SGCD: variants seen among roughly 807,000 people sequenced by gnomAD.
SGCD encodes the protein sarcoglycan delta, also known as delta-sarcoglycan.
A neutral mutation model predicts 36.6 loss-of-function variants in SGCD; 18 were observed. The ratio of observed to expected loss-of-function variants is 0.49; its 90% CI spans 0.34 to 0.73. The LOEUF (loss-of-function observed/expected upper bound fraction) is 0.73. Ranked by LOEUF, SGCD falls within the 30% of genes least tolerant of loss-of-function variation. The probability of loss-of-function intolerance (pLI) is 0.01; values close to 1 mark genes in which losing one functional copy is unlikely to be tolerated. For synonymous variants in SGCD, 133 were observed against 130.6 expected (o/e 1.02, Z -0.12); for missense variants, 387 against 346.7 (o/e 1.12, Z -0.92).
intron 1 of SGCD, among the ~76,000 whole-genome samples, chr5:156,076,748 A>T (rs990467691): frequency 2.6e-5 from 4 of 152,220 alleles, no homozygotes; most frequent in African/African-American, 9.6e-5. Flanking sequence ...CCTAGACTTG[A>T]ACATTACATC....
At chr5:156,329,247 G>C (rs561503617) in intron 1 of SGCD, among the ~76,000 whole-genome samples, 1 of 152,298 alleles carries the variant, frequency 6.6e-6, no homozygotes, top group Non-Finnish European at 1.5e-5. Flanking sequence ...TGAGGGTGGA[G>C]GGAGGAGCCC....
chr5:155,805,412 G>A, the SGCD span, among the ~76,000 whole-genome samples: 1 of 152,240 alleles, frequency 6.6e-6, no homozygotes, highest in Admixed American at 6.5e-5. Flanking sequence ...CCTAGGCAGA[G>A]AGGCAGCATT....
At chr5:156,065,461 G>C (rs1312568772) in intron 1 of SGCD, among the ~76,000 whole-genome samples, 2 of 113,758 alleles carry the variant, frequency 1.8e-5, no homozygotes, top group Non-Finnish European at 3.6e-5. Context: ...TCTGCTTGGT[G>C]CAGAGCTGAG....
the SGCD span, among the ~76,000 whole-genome samples, chr5:155,746,506 T>C: frequency 6.6e-6 from 1 of 152,202 alleles, no homozygotes; most frequent in African/African-American, 2.4e-5. Flanking sequence ...CAGAGCAGGC[T>C]GCTCAAAAGA....
chr5:156,639,461 C>T (rs40486), intron 6 of SGCD, among the ~76,000 whole-genome samples: 16,642 of 152,210 alleles, frequency 0.11, 1,009 homozygotes, highest in Non-Finnish European at 0.12. Flanking sequence ...GCAGCCTGTG[C>T]CACGCAGCAG....
At chr5:156,006,801 T>C (rs1758767416) in intron 1 of SGCD, among the ~76,000 whole-genome samples, 1 of 152,204 alleles carries the variant, frequency 6.6e-6, no homozygotes, top group South Asian at 2.1e-4. Flanking sequence ...GGTTCTCAAA[T>C]GTGAGCAGTC....
the SGCD span, among the ~76,000 whole-genome samples, chr5:155,729,567 G>C: frequency 2.0e-5 from 3 of 152,182 alleles, no homozygotes; most frequent in Admixed American, 6.5e-5. Flanking sequence ...TCCGCGGTGC[G>C]GTGCGGGTTT....
chr5:156,644,024 C>A (rs924987622), intron 6 of SGCD, among the ~76,000 whole-genome samples: 1 of 152,036 alleles, frequency 6.6e-6, no homozygotes, highest in African/African-American at 2.4e-5. Flanking sequence ...TAATCATGTT[C>A]ATCAGGAAAA....
At chr5:156,338,599 T>C (rs149340106) in intron 2 of SGCD, among the ~76,000 whole-genome samples, 9 of 152,298 alleles carry the variant, frequency 5.9e-5, no homozygotes, top group African/African-American at 2.2e-4. Flanking sequence ...GGCAGACTTA[T>C]CACTTTGAAG....
At chr5:155,807,598 A>G in the SGCD span, among the ~76,000 whole-genome samples, 22 of 152,360 alleles carry the variant, frequency 1.4e-4, no homozygotes, top group Admixed American at 1.2e-3. Context: ...AATCCCATAA[A>G]ACACTCCTTC....
chr5:155,991,352 T>C (rs10475651), intron 1 of SGCD, among the ~76,000 whole-genome samples: 26 of 152,274 alleles, frequency 1.7e-4, no homozygotes, highest in African/African-American at 4.8e-4. Context: ...CATCTTTGTG[T>C]AATTGATGGG....
rs182066432 is a variant in SGCD, at chr5:155,887,098, G to A, written c.-282+16674G>A. On this transcript the variant is annotated intron_variant, in intron 1 of 9. Coordinates refer to the SGCD transcript ENST00000517913. ...TAGGACTCTGACCGTGTATCTCATG[G>A]TTTACATTGGGGGCGAAAATATCAG... 1.9e-3 allele frequency among the ~76,000 whole-genome samples: 295 copies of A among 152,292 alleles called. 3 individuals are homozygous for A. The highest frequency in any genetic ancestry group is 6.3e-3 in the African/African-American group (263 of 41,554).
intron 5 of SGCD, among the ~76,000 whole-genome samples, chr5:156,590,010 C>T (rs768814753): frequency 7.9e-5 from 12 of 152,098 alleles, no homozygotes; most frequent in Non-Finnish European, 1.6e-4. Flanking sequence ...ACAATCAATG[C>T]CCACTCTGTA....
At chr5:156,578,912 T>C (rs1246709791) in intron 4 of SGCD, among the ~76,000 whole-genome samples, 1 of 152,240 alleles carries the variant, frequency 6.6e-6, no homozygotes, top group Non-Finnish European at 1.5e-5. Flanking sequence ...TGTCTCTATG[T>C]CCTTCAGTTC....
At chr5:156,610,861 C>T (rs1241838568) in intron 6 of SGCD, among the ~76,000 whole-genome samples, 1 of 152,280 alleles carries the variant, frequency 6.6e-6, no homozygotes, top group Non-Finnish European at 1.5e-5. Flanking sequence ...ATATAATCTC[C>T]TGGTGTGCCG....
At chr5:156,606,398 G>T (rs1029282474) in intron 6 of SGCD, among the ~76,000 whole-genome samples, 3 of 152,036 alleles carry the variant, frequency 2.0e-5, no homozygotes, top group African/African-American at 7.2e-5. Context: ...CTGTTCCATT[G>T]GTCTATATCT....
At chr5:156,090,707 C>T (rs1248405086) in intron 1 of SGCD, among the ~76,000 whole-genome samples, 2 of 152,116 alleles carry the variant, frequency 1.3e-5, no homozygotes, top group Non-Finnish European at 2.9e-5. Context: ...TGCAGGAGAC[C>T]AGGGTGTATT....
intron 4 of SGCD, among the ~76,000 whole-genome samples, chr5:156,528,971 A>G (rs1211847146): frequency 4.6e-5 from 7 of 152,184 alleles, no homozygotes; most frequent in East Asian, 1.9e-4. Flanking sequence ...TGCTTATTTC[A>G]TAAATTGCAT....
chr5:156,022,577 CAT>C (rs1288592100), intron 1 of SGCD, among the ~76,000 whole-genome samples: 1 of 152,074 alleles, frequency 6.6e-6, no homozygotes, highest in East Asian at 1.9e-4. Context: ...AACGAGTTGA[CAT>C]AGATTTGTTC....
Sources: allele counts gnomAD v4.1 joint callset (sites outside exome capture counted in the v4.1 genomes callset), GRCh38; gene constraint gnomAD v4.1.1; transcripts MANE v1.5; gene names NCBI Gene and HGNC (gene_info 2026-07-23, HGNC 2026-07-21).